Variants in NAV2 observed in about 807,000 individuals in gnomAD.
The protein encoded by NAV2 is helicase, APC down-regulated 1.
NAV2 carries 54 observed loss-of-function variants against 223.2 expected under a neutral mutation model. That is an observed-to-expected ratio of 0.24 (90% CI 0.19 to 0.30). The LOEUF is 0.30. Ranked by LOEUF, NAV2 falls within the 10% of genes least tolerant of loss-of-function variation. NAV2 has a pLI of 1.00. For synonymous variants in NAV2, 1,279 were observed against 1,239.3 expected, an observed-to-expected ratio of 1.03 and a Z score of -0.67; for missense variants, 2,806 against 3,147.5, an observed-to-expected ratio of 0.89 and a Z score of 2.60.
intron 1 of NAV2, among the ~76,000 whole-genome samples, chr11:19,581,136 T>A (rs763086178): frequency 1.3e-5 from 2 of 152,230 alleles, no homozygotes; most frequent in African/African-American, 2.4e-5. Flanking sequence ...CTTGTCGATT[T>A]GTAGGAGTTC....
chr11:20,114,531 A>G, intron 36 of NAV2, 61 bp from the exon 37 acceptor site: 1 of 1,532,810 alleles, frequency 6.5e-7, no homozygotes. Flanking sequence ...AAGCTGCAAA[A>G]CTGGGGCTAC....
Position 19,855,881 on chromosome 11 carries a change from G to T in NAV2, c.438+12958G>T, listed in dbSNP as rs7940716. 9.8e-3 allele frequency among the ~76,000 whole-genome samples: 1,498 copies of T among 152,260 alleles called. 25 individuals carry two copies. The highest frequency in any genetic ancestry group is 0.034 in the African/African-American group (1,405 of 41,536). Reference sequence around the variant, plus strand: ...TGTGAGACTCCTTTAAGAAGGATTTGCCGGGATTTGATTTGAGTTTCAGAA... The same window carrying T: ...TGTGAGACTCCTTTAAGAAGGATTTTCCGGGATTTGATTTGAGTTTCAGAA... On this transcript the variant is annotated intron_variant, in intron 3 of 37. Coordinates refer to ENST00000349880, the MANE Select transcript of NAV2 (RefSeq NM_145117.5).
At chr11:19,931,979 T>C (rs1374098843) in intron 6 of NAV2, among the ~76,000 whole-genome samples, 2 of 152,262 alleles carry the variant, frequency 1.3e-5, no homozygotes, top group Admixed American at 6.5e-5. Context: ...GGCTGCATCA[T>C]CCGGGGCACT....
chr11:20,055,664 A>G, intron 18 of NAV2, 105 bp from the exon 19 acceptor site: 2 of 1,010,792 alleles, frequency 2.0e-6, no homozygotes, highest in Non-Finnish European at 2.9e-6. Flanking sequence ...AAGAGTTGGC[A>G]GAAACACATG....
At chr11:19,674,023 G>A (rs1195075510) in intron 1 of NAV2, among the ~76,000 whole-genome samples, 1 of 152,186 alleles carries the variant, frequency 6.6e-6, no homozygotes, top group East Asian at 1.9e-4. Context: ...TTAAGTAACA[G>A]CAACTCAGGG....
At chr11:19,631,595 C>T (rs977740801) in intron 1 of NAV2, among the ~76,000 whole-genome samples, 1 of 152,194 alleles carries the variant, frequency 6.6e-6, no homozygotes, top group African/African-American at 2.4e-5. Flanking sequence ...CCCCTGGCCT[C>T]TACTTTCTCA....
At chr11:19,884,492 T>C in intron 5 of NAV2, 3 of 742,744 alleles carry the variant, frequency 4.0e-6, no homozygotes, top group Non-Finnish European at 4.6e-6. Context: ...GAAAACTAAA[T>C]GTGCTTTGGC....
chr11:19,963,985 A>G lies in NAV2; in HGVS notation c.2645+14905A>G, dbSNP rs76074276. Among the ~76,000 whole-genome samples, 741 of 152,114 alleles carry G rather than the reference A, an allele frequency of 4.9e-3. 12 individuals carry two copies. The highest frequency in any genetic ancestry group is 0.034 in the South Asian group (165 of 4,814). ...ACCCGAATTTCTCTGAGGAAATTCC[A>G]CTCCCTCAGCCCCTCACCCACTGCA... On this transcript the variant is annotated intron_variant, in intron 10 of 37. Coordinates refer to ENST00000349880, the MANE Select transcript of NAV2 (RefSeq NM_145117.5).
chr11:20,066,510 C>T (rs1415210574), intron 20 of NAV2, among the ~76,000 whole-genome samples: 4 of 152,144 alleles, frequency 2.6e-5, no homozygotes, highest in Admixed American at 2.0e-4. Context: ...GACTTGGCTC[C>T]GTGTATTTAA....
chr11:19,447,764 ACTTGT>A (rs1851639346), intron 1 of NAV2, among the ~76,000 whole-genome samples: 1 of 152,138 alleles, frequency 6.6e-6, no homozygotes. Context: ...AACTGGGTTG[ACTTGT>A]AAGACGTGCT....
At chr11:19,720,442 G>A (rs957776367) in intron 1 of NAV2, among the ~76,000 whole-genome samples, 2 of 152,098 alleles carry the variant, frequency 1.3e-5, no homozygotes, top group African/African-American at 4.8e-5. Context: ...CAAACAATGG[G>A]CCCCCAGCCT....
chr11:19,880,184 A>C, intron 5 of NAV2, 57 bp downstream of exon 5: 30 of 1,489,062 alleles, frequency 2.0e-5, no homozygotes, highest in Non-Finnish European at 2.7e-5. Flanking sequence ...CTCCACCCCA[A>C]CCAATCTCTA....
intron 6 of NAV2, among the ~76,000 whole-genome samples, chr11:19,897,567 A>G (rs537092281): frequency 6.6e-6 from 1 of 152,268 alleles, no homozygotes; most frequent in South Asian, 2.1e-4. Flanking sequence ...AAAAAGTGAT[A>G]GTATATAATA....
chr11:19,529,452 C>T (rs1468462341), intron 1 of NAV2, among the ~76,000 whole-genome samples: 1 of 152,222 alleles, frequency 6.6e-6, no homozygotes. Context: ...CCCCCAATAC[C>T]ATCCCAATTA....
chr11:19,852,160 A>G (rs1002716234), intron 3 of NAV2, among the ~76,000 whole-genome samples: 17 of 152,212 alleles, frequency 1.1e-4, no homozygotes, highest in African/African-American at 3.6e-4. Flanking sequence ...TAGATAATAC[A>G]TCTGTATTGT....
intron 3 of NAV2, among the ~76,000 whole-genome samples, chr11:19,856,252 TCTC>T (rs1253001800): frequency 6.6e-6 from 1 of 152,194 alleles, no homozygotes; most frequent in Non-Finnish European, 1.5e-5. Context: ...TCTAGTTTGT[TCTC>T]CTCTTTCAGT....
chr11:19,755,400 C>A (rs2054156199), intron 1 of NAV2, among the ~76,000 whole-genome samples: 1 of 152,258 alleles, frequency 6.6e-6, no homozygotes, highest in African/African-American at 2.4e-5. Flanking sequence ...GGAAGAAAGG[C>A]TAGACATGTA....
chr11:19,528,667 T>C (rs772553824), intron 1 of NAV2, among the ~76,000 whole-genome samples: 6 of 151,686 alleles, frequency 4.0e-5, no homozygotes, highest in Non-Finnish European at 8.8e-5. Context: ...CACGGTGGCT[T>C]ATGCCTGTAA....
intron 1 of NAV2, among the ~76,000 whole-genome samples, chr11:19,739,079 G>T (rs947332260): frequency 6.6e-6 from 1 of 152,182 alleles, no homozygotes; most frequent in Non-Finnish European, 1.5e-5. Flanking sequence ...TACTCAGCAG[G>T]CTAAGGTGGG....
Sources: gnomAD v4.1 joint callset for allele counts (sites outside exome capture counted in the v4.1 genomes callset) on GRCh38, gnomAD v4.1.1 for gene constraint, MANE v1.5 for transcripts, NCBI Gene and HGNC (gene_info 2026-07-23, HGNC 2026-07-21) for gene names.